Variants in ZBTB20 observed in about 807,000 individuals in gnomAD.
The protein encoded by ZBTB20 is zinc finger and BTB domain containing 20, also known as zinc finger and BTB domain-containing protein 20.
A neutral mutation model predicts 56.9 loss-of-function variants in ZBTB20; 9 were observed. That is an observed-to-expected ratio of 0.16 (90% CI 0.10 to 0.28). ZBTB20 has a LOEUF of 0.28. ZBTB20 is among the 10% of genes least tolerant of loss of function. The pLI is 1.00. For synonymous variants in ZBTB20, 417 were observed against 420.7 expected, an observed-to-expected ratio of 0.99 and a Z score of 0.11; for missense variants, 655 against 1,003.0, an observed-to-expected ratio of 0.65 and a Z score of 4.69.
rs537766961 is a variant in ZBTB20, at chr3:115,053,554, T to A, written c.-507+17665A>T. Among the ~76,000 whole-genome samples the A allele has an allele frequency of 2.6e-5, 4 of 152,308 alleles. No individual in the cohort carries two copies. In the South Asian group the frequency reaches 8.3e-4, roughly 32 times the overall value. On this transcript the variant is annotated intron_variant, in intron 2 of 11. Coordinates refer to ENST00000675478, the MANE Select transcript of ZBTB20 (RefSeq NM_001348800.3). The stretch of plus-strand genomic sequence containing the variant: ...TGAGAGTACTTGCTCAATAATTTGA[T>A]AAAAATTTCTTTTTTAAATGAATGC...
chr3:114,851,896 T>A (rs1465097967), intron 4 of ZBTB20, among the ~76,000 whole-genome samples: 1 of 152,168 alleles, frequency 6.6e-6, no homozygotes, highest in Admixed American at 6.5e-5. Context: ...AAATTAATTT[T>A]AAAAAGTTAT....
intron 2 of ZBTB20, among the ~76,000 whole-genome samples, chr3:115,018,941 TG>T (rs1397431625): frequency 2.0e-5 from 3 of 151,338 alleles, no homozygotes; most frequent in South Asian, 4.1e-4. Context: ...CATTTTGTTC[TG>T]AGAATATTAT....
intron 6 of ZBTB20, among the ~76,000 whole-genome samples, chr3:114,664,136 T>A (rs1409237193): frequency 2.0e-5 from 3 of 152,030 alleles, no homozygotes; most frequent in Non-Finnish European, 4.4e-5. Context: ...AGACAATTAA[T>A]CTGAGCATTT....
At chr3:115,008,269 C>G (rs1044107897) in intron 2 of ZBTB20, among the ~76,000 whole-genome samples, 2 of 151,766 alleles carry the variant, frequency 1.3e-5, no homozygotes, top group Admixed American at 6.6e-5. Context: ...CTGTTATTCC[C>G]GTCTCTTTTA....
chr3:114,388,549 C>T (rs1157090097), intron 8 of ZBTB20: 3 of 152,374 alleles, frequency 2.0e-5, no homozygotes, highest in African/African-American at 7.3e-5. Flanking sequence ...AGCAAGGAGA[C>T]AACAGCATGG....
At chr3:114,585,735 T>C (rs907973229) in intron 6 of ZBTB20, among the ~76,000 whole-genome samples, 4 of 152,188 alleles carry the variant, frequency 2.6e-5, no homozygotes, top group African/African-American at 9.7e-5. Context: ...AGGGTTCTTC[T>C]GCATAATAAA....
chr3:115,095,101 A>G (rs1002243649), intron 1 of ZBTB20, among the ~76,000 whole-genome samples: 2 of 152,122 alleles, frequency 1.3e-5, no homozygotes, highest in African/African-American at 4.8e-5. Context: ...TGACAAAATT[A>G]CTTCCAATAT....
intron 7 of ZBTB20, among the ~76,000 whole-genome samples, chr3:114,455,468 C>G (rs573587452): frequency 6.6e-6 from 1 of 152,078 alleles, no homozygotes; most frequent in Non-Finnish European, 1.5e-5. Context: ...TTTTATGAAC[C>G]ATAGATATTT....
At chr3:115,040,536 A>G (rs1013377896) in intron 2 of ZBTB20, among the ~76,000 whole-genome samples, 11 of 152,156 alleles carry the variant, frequency 7.2e-5, no homozygotes, top group African/African-American at 2.7e-4. Flanking sequence ...CAGAGGCATG[A>G]AAGTACATGG....
intron 2 of ZBTB20, among the ~76,000 whole-genome samples, chr3:114,984,819 A>G (rs1673996422): frequency 6.6e-6 from 1 of 152,050 alleles, no homozygotes; most frequent in Non-Finnish European, 1.5e-5. Context: ...ACACAGACAC[A>G]GAAACAAACA....
chr3:114,923,357 C>G (rs887696608), intron 3 of ZBTB20, among the ~76,000 whole-genome samples: 2 of 152,030 alleles, frequency 1.3e-5, no homozygotes, highest in Non-Finnish European at 2.9e-5. Flanking sequence ...TAGTTTGGTA[C>G]CAGCATAAAA....
intron 3 of ZBTB20, among the ~76,000 whole-genome samples, chr3:114,956,306 T>C (rs1342000777): frequency 6.6e-6 from 1 of 152,092 alleles, no homozygotes; most frequent in East Asian, 1.9e-4. Context: ...CTCAAGACAA[T>C]AACCCACAAA....
At chr3:114,698,317 G>A (rs1250283572) in intron 5 of ZBTB20, among the ~76,000 whole-genome samples, 1 of 152,046 alleles carries the variant, frequency 6.6e-6, no homozygotes, top group Non-Finnish European at 1.5e-5. Flanking sequence ...GATAATAAAA[G>A]AGAAATAGGC....
chr3:114,426,389 A>C (rs1189033333), intron 7 of ZBTB20, among the ~76,000 whole-genome samples: 1 of 148,752 alleles, frequency 6.7e-6, no homozygotes, highest in Non-Finnish European at 1.5e-5. Context: ...CTCACTCCAA[A>C]CATATTCTCA....
chr3:114,698,227 G>T (rs1373329535), intron 5 of ZBTB20, among the ~76,000 whole-genome samples: 1 of 152,000 alleles, frequency 6.6e-6, no homozygotes, highest in Admixed American at 6.6e-5. Flanking sequence ...AACACATTTA[G>T]AACTTTAAAT....
intron 4 of ZBTB20, among the ~76,000 whole-genome samples, chr3:114,887,374 G>A (rs1432185274): frequency 6.6e-6 from 1 of 152,144 alleles, no homozygotes; most frequent in African/African-American, 2.4e-5. Context: ...AAAATTTCAT[G>A]TTCACCTGGA....
chr3:114,538,999 C>G (rs2048800189), intron 6 of ZBTB20, among the ~76,000 whole-genome samples: 1 of 152,088 alleles, frequency 6.6e-6, no homozygotes, highest in African/African-American at 2.4e-5. Context: ...CCAAGTTAAC[C>G]TTTGCTAGTT....
intron 4 of ZBTB20, among the ~76,000 whole-genome samples, chr3:114,818,820 A>G (rs533314751): frequency 6.6e-6 from 1 of 152,122 alleles, no homozygotes; most frequent in Non-Finnish European, 1.5e-5. Context: ...TGTTTTGGAA[A>G]TTATAGTCAA....
At chr3:115,108,117 A>G (rs1300625613) in intron 1 of ZBTB20, among the ~76,000 whole-genome samples, 7 of 151,954 alleles carry the variant, frequency 4.6e-5, no homozygotes, top group African/African-American at 7.3e-5. Flanking sequence ...ACAAATGTAG[A>G]GGTTCTGTGC....
Sources: gnomAD v4.1 joint callset for allele counts (sites outside exome capture counted in the v4.1 genomes callset) on GRCh38, gnomAD v4.1.1 for gene constraint, MANE v1.5 for transcripts, NCBI Gene and HGNC (gene_info 2026-07-23, HGNC 2026-07-21) for gene names.